MYO3A: variants seen among roughly 807,000 people sequenced by gnomAD.
MYO3A encodes the protein myosin-IIIa.
Under a neutral mutation model 192.7 loss-of-function variants are expected in MYO3A, and 180 were observed. The ratio of observed to expected loss-of-function variants is 0.93; its 90% CI spans 0.83 to 1.06. The LOEUF is 1.06. MYO3A is among the 50% of genes least tolerant of loss of function. The probability of loss-of-function intolerance (pLI) is 0.00; values close to 1 mark genes in which losing one functional copy is unlikely to be tolerated. For synonymous variants in MYO3A, 628 were observed against 645.3 expected (o/e 0.97, Z 0.41); for missense variants, 1,896 against 1,905.0 (o/e 1.00, Z 0.09).
chr10:26,109,126 T>A (rs1352307328), intron 17 of MYO3A, among the ~76,000 whole-genome samples: 1 of 152,240 alleles, frequency 6.6e-6, no homozygotes, highest in African/African-American at 2.4e-5. Flanking sequence ...GATTTTGTTT[T>A]GTACAATCCA....
intron 4 of MYO3A, among the ~76,000 whole-genome samples, chr10:25,991,416 C>T (rs549189551): frequency 1.4e-3 from 212 of 152,196 alleles, no homozygotes; most frequent in Middle Eastern, 0.014. Flanking sequence ...GATATTAGCC[C>T]TTTGTCAGAT....
Position 26,145,505 on chromosome 10 carries a change from A to T in MYO3A, c.2476A>T (p.Ser826Cys). The T allele has an allele frequency of 1.2e-6, 2 of 1,609,568 alleles. No homozygotes were observed. The highest frequency in any genetic ancestry group is 1.7e-6 in the Non-Finnish European group (2 of 1,175,910). ...YFWRPKRMEL[S>C]FGIHHYAGKV... ...CTGGAGACCCAAAAGAATGGAACTT[A>T]GTTTTGGAATTCACCATTATGCAGG... is the stretch of plus-strand genomic sequence containing the variant. Residue 826 changes from serine (S) to cysteine (C), a missense_variant, in exon 22 of 35, where the codon AGT becomes TGT. Coordinates refer to ENST00000642920, the MANE Select transcript of MYO3A (RefSeq NM_017433.5).
intron 6 of MYO3A, among the ~76,000 whole-genome samples, chr10:26,005,799 G>A (rs923166593): frequency 1.3e-5 from 2 of 152,020 alleles, no homozygotes; most frequent in Non-Finnish European, 2.9e-5. Context: ...AAACTAGGGG[G>A]AAACCATTTT....
chr10:26,004,023 A>C (rs541277776), intron 6 of MYO3A, among the ~76,000 whole-genome samples: 1 of 152,200 alleles, frequency 6.6e-6, no homozygotes, highest in African/African-American at 2.4e-5. Flanking sequence ...AGTGCCCTTC[A>C]ATCCTTCCTT....
rs369308347 is a variant in MYO3A, at chr10:25,954,919, C to A, written c.214C>A (p.Leu72Ile). Reference protein sequence around the residue: ...IEAEYNILKALSDHPNVVRFY... With the variant: ...IEAEYNILKAISDHPNVVRFY... ...AGCAGAATATAACATCTTAAAAGCACTTTCTGACCACCCTAATGTGGTCAG... is the reference window on the plus strand; with the variant it reads ...AGCAGAATATAACATCTTAAAAGCAATTTCTGACCACCCTAATGTGGTCAG... Residue 72 changes from leucine (L) to isoleucine (I), a missense_variant, in exon 4 of 35, where the codon CTT (leucine) becomes ATT (isoleucine). Coordinates refer to ENST00000642920, the MANE Select transcript of MYO3A (RefSeq NM_017433.5). 3 of 1,612,288 alleles carry A rather than the reference C, an allele frequency of 1.9e-6. No individual in the cohort carries two copies. In the African/African-American group the frequency reaches 4.0e-5, roughly 22 times the overall value.
chr10:26,196,957 T>C (rs1291581857), intron 32 of MYO3A, among the ~76,000 whole-genome samples: 1 of 152,216 alleles, frequency 6.6e-6, no homozygotes, highest in Non-Finnish European at 1.5e-5. Flanking sequence ...ATTCCACTGT[T>C]TTAGTTATTT....
chr10:26,131,801 A>T (rs564812846), intron 20 of MYO3A, among the ~76,000 whole-genome samples: 1 of 152,328 alleles, frequency 6.6e-6, no homozygotes, highest in African/African-American at 2.4e-5. Context: ...TACTATTTGT[A>T]TCTCAATAGT....
intron 10 of MYO3A, among the ~76,000 whole-genome samples, chr10:26,037,480 T>G (rs1355354120): frequency 2.6e-5 from 4 of 152,214 alleles, no homozygotes; most frequent in Non-Finnish European, 5.9e-5. Flanking sequence ...TTGTTCTAAA[T>G]TTTTTAATAG....
intron 10 of MYO3A, among the ~76,000 whole-genome samples, chr10:26,062,530 A>AAAAAAAAAAAAAAAAAAAGAAAAAACG (rs1554816581): frequency 7.9e-6 from 1 of 125,946 alleles, no homozygotes; most frequent in African/African-American, 2.9e-5. Flanking sequence ...AAAAAAAAAA[A>AAAAAAAAAAAAAAAAAAAGAAAAAACG]AAATTATGGA....
chr10:26,040,008 G>C (rs866682903), intron 10 of MYO3A, among the ~76,000 whole-genome samples: 34 of 151,604 alleles, frequency 2.2e-4, no homozygotes, highest in African/African-American at 7.5e-4. Flanking sequence ...TGTAAGCACT[G>C]ATAGCTATAA....
chr10:26,164,722 A>G (rs1841649452), intron 26 of MYO3A, among the ~76,000 whole-genome samples: 1 of 152,182 alleles, frequency 6.6e-6, no homozygotes, highest in Non-Finnish European at 1.5e-5. Flanking sequence ...AGAGACGCAG[A>G]TGATTGGCGG....
rs1243582287 is a variant in MYO3A at position 25,955,011 on chromosome 10, A to G, written c.303+3A>G. On this transcript the variant is annotated splice_donor_region_variant and intron_variant, in intron 4 of 34. Transcript: ENST00000642920. ...ACAAGCTGTGGTTGGTTCTTGAGGT[A>G]AGTGTGTCAGCATCATTTGTATGGG... 6.2e-7 allele frequency: 1 copy of G among 1,612,638 alleles called. No homozygotes were observed. Among genetic ancestry groups the G allele is most frequent in the East Asian group, 2.2e-5 (1 of 44,774 alleles).
chr10:26,095,588 A>G (rs1402713633), intron 15 of MYO3A, among the ~76,000 whole-genome samples: 1 of 152,192 alleles, frequency 6.6e-6, no homozygotes, highest in Non-Finnish European at 1.5e-5. Context: ...CCTGGAGCCC[A>G]CTACAGCAGA....
intron 31 of MYO3A, among the ~76,000 whole-genome samples, chr10:26,177,255 A>G (rs1842382062): frequency 6.6e-6 from 1 of 152,168 alleles, no homozygotes; most frequent in South Asian, 2.1e-4. Flanking sequence ...ACCCCATTAT[A>G]CAAGAAGTAT....
intron 31 of MYO3A, among the ~76,000 whole-genome samples, chr10:26,186,476 C>T (rs1317068752): frequency 6.6e-6 from 1 of 152,102 alleles, no homozygotes; most frequent in African/African-American, 2.4e-5. Flanking sequence ...CCGTGTTAGC[C>T]AGGATGGTCT....
chr10:26,119,953 C>T (rs112552981), intron 17 of MYO3A, among the ~76,000 whole-genome samples: 14,679 of 149,344 alleles, frequency 0.098, 789 homozygotes, highest in Non-Finnish European at 0.12. Context: ...CCCAGGAGTT[C>T]GAGACCAGCC....
At chr10:25,954,844 A>C (rs2130580579) in intron 3 of MYO3A, 30 bp from the exon 4 acceptor site, 1 of 1,603,624 alleles carries the variant, frequency 6.2e-7, no homozygotes, top group Non-Finnish European at 8.5e-7. Flanking sequence ...GTTTTCTCAC[A>C]GTTCTATTCT....
intron 32 of MYO3A, among the ~76,000 whole-genome samples, chr10:26,198,677 C>T (rs114121296): frequency 8.3e-4 from 127 of 152,176 alleles, no homozygotes; most frequent in African/African-American, 2.8e-3. Flanking sequence ...TTCTTTATGT[C>T]GGGTGGGGCT....
At chr10:26,187,039 T>A (rs918475192) in intron 31 of MYO3A, among the ~76,000 whole-genome samples, 1 of 152,222 alleles carries the variant, frequency 6.6e-6, no homozygotes, top group African/African-American at 2.4e-5. Context: ...TATTTTTATA[T>A]GTGATGACAA....
Sources: allele counts gnomAD v4.1 joint callset (sites outside exome capture counted in the v4.1 genomes callset), GRCh38; gene constraint gnomAD v4.1.1; transcripts MANE v1.5; gene names NCBI Gene and HGNC (gene_info 2026-07-23, HGNC 2026-07-21).